CNDP2: variants seen among roughly 807,000 people sequenced by gnomAD.
The protein encoded by CNDP2 is cytosolic non-specific dipeptidase.
A neutral mutation model predicts 55.0 loss-of-function variants in CNDP2; 38 were observed. The ratio of observed to expected loss-of-function variants is 0.69; its 90% confidence interval spans 0.53 to 0.90. CNDP2 has a LOEUF of 0.90. CNDP2 is among the 40% of genes least tolerant of loss of function. The probability of loss-of-function intolerance (pLI) is 0.00; values close to 1 mark genes in which losing one functional copy is unlikely to be tolerated. For missense variants in CNDP2, 607 were observed against 621.7 expected, an observed-to-expected ratio of 0.98 and a Z score of 0.25; for synonymous variants, 241 against 260.2, an observed-to-expected ratio of 0.93 and a Z score of 0.71.
rs1049670459 is a variant in CNDP2, at chr18:74,512,319, C to A, written c.658-129C>A. 3.7e-5 allele frequency: 29 copies of A among 774,968 alleles called. No homozygotes were observed. The Admixed American group carries it at 5.8e-4, about 16-fold the overall frequency. 48.0% of individuals were successfully genotyped at this position (774,968 alleles called of 1,614,324 possible). On this transcript the variant is annotated intron_variant, in intron 6 of 11. Coordinates refer to ENST00000324262, the MANE Select transcript of CNDP2 (RefSeq NM_018235.3). ...ATTTGGGAAATGCCTTGCTTTGCTC[C>A]CTGAGGGAGCAAATTTTGATTTGGG...
intron 5 of CNDP2, 57 bp downstream of exon 5, chr18:74,508,985 AG>A: frequency 7.1e-7 from 1 of 1,414,600 alleles, no homozygotes; most frequent in Non-Finnish European, 1.0e-6. Context: ...AGCCATACAA[AG>A]ACAGGCTCTC....
rs764441227 is a variant in CNDP2 at position 74,520,230 on chromosome 18, G to A, written c.*162G>A. On this transcript the variant is annotated 3_prime_UTR_variant, in exon 12 of 12. Coordinates refer to ENST00000324262, the MANE Select transcript of CNDP2 (RefSeq NM_018235.3). ...CACAAGTGTATCCAGCTGTCCACGG[G>A]TGGAGCTACCCGTTGGGCTTATGAG... The A allele has an allele frequency of 1.5e-6, 1 of 658,000 alleles. No individual in the cohort carries two copies. Among genetic ancestry groups the A allele is most frequent in the South Asian group, 1.8e-5 (1 of 54,146 alleles). 40.8% of individuals were successfully genotyped at this position (658,000 alleles called of 1,614,324 possible). A position where few individuals can be genotyped will look rare whatever the true frequency, so the allele number is the denominator to read the frequency against.
At chr18:74,505,705 T>C in intron 3 of CNDP2, 144 bp from the exon 4 acceptor site, 1 of 827,872 alleles carries the variant, frequency 1.2e-6, no homozygotes, top group Non-Finnish European at 1.9e-6. Context: ...GTGACTCCAT[T>C]GAACAGTGTG....
chr18:74,505,348 T>C (rs1978948640), intron 3 of CNDP2: 1 of 153,394 alleles, frequency 6.5e-6, no homozygotes, highest in Non-Finnish European at 1.5e-5. Flanking sequence ...CTTGTAATTC[T>C]AGCACTTTGG....
In CNDP2 at chr18:74,520,593, C is replaced by T. The variant is rs1979994131; in HGVS notation, c.*525C>T. 6.3e-6 allele frequency: 1 copy of T among 158,524 alleles called. No individual in the cohort carries two copies. Among genetic ancestry groups the T allele is most frequent in the South Asian group, 1.9e-4 (1 of 5,282 alleles). 9.8% of individuals were successfully genotyped at this position (158,524 alleles called of 1,614,324 possible). ...ATCGCTTGAGACCAAGAGTTTGAGC[C>T]TGCGGTGAGCTGTGAATGCACCACG... On this transcript the variant is annotated 3_prime_UTR_variant, in exon 12 of 12. Transcript: ENST00000324262.
At position 74,520,182 on chromosome 18, in the gene CNDP2, C is replaced by A; in HGVS notation, c.*114C>A. 2 of 963,806 alleles carry A rather than the reference C, an allele frequency of 2.1e-6. No homozygotes were observed. Among genetic ancestry groups the A allele is most frequent in the South Asian group, 2.9e-5 (2 of 68,076 alleles). 59.7% of individuals were successfully genotyped at this position (963,806 alleles called of 1,614,324 possible). A position where few individuals can be genotyped will look rare whatever the true frequency, so the allele number is the denominator to read the frequency against. ...CTCTTTCCTTTCCCTCTTGTCAGGT[C>A]ATCCATGACTTTAGAGAACAGACAC... On this transcript the variant is annotated 3_prime_UTR_variant, in exon 12 of 12. Coordinates refer to ENST00000324262, the MANE Select transcript of CNDP2 (RefSeq NM_018235.3).
Position 74,520,107 on chromosome 18 carries a change from C to A in CNDP2, c.*39C>A, listed in dbSNP as rs759689145. The A allele has an allele frequency of 2.7e-5, 43 of 1,594,246 alleles. No individual in the cohort carries two copies. Among genetic ancestry groups the A allele is most frequent in the Non-Finnish European group, 3.7e-5 (43 of 1,162,348 alleles). On this transcript the variant is annotated 3_prime_UTR_variant, in exon 12 of 12. Transcript: ENST00000324262. ...TGTGCCATCTCCAATGAGAAGGAAT[C>A]CTGCCCTCACCTCACCCTTTTCCAA...
In CNDP2 at chr18:74,510,878, C is replaced by T. The variant is rs151125709; in HGVS notation, c.522C>T (p.Asp174=). 5.1e-4 allele frequency: 828 copies of T among 1,614,148 alleles called. 5 individuals are homozygous for T. The African/African-American group carries it at 7.7e-3, about 15-fold the overall frequency. Residue 174 remains aspartate, a synonymous_variant, in exon 6 of 12, where the codon GAC becomes GAT. Transcript: ENST00000324262. ...GMEESGSEGL[D]ELIFARKDTF... Reference sequence around the variant, plus strand: ...AGGAGTCAGGCTCTGAGGGCCTAGACGAGCTGATTTTTGCCCGGAAAGACA... The same window carrying T: ...AGGAGTCAGGCTCTGAGGGCCTAGATGAGCTGATTTTTGCCCGGAAAGACA...
At chr18:74,499,808 T>C (rs534305441) in intron 1 of CNDP2, 74 bp from the exon 2 acceptor site, 18 of 518,142 alleles carry the variant, frequency 3.5e-5, no homozygotes, top group South Asian at 3.4e-4. Flanking sequence ...GGAGCGTCTC[T>C]GGCTGGGTGT....
At chr18:74,502,570 C>CA (rs888205490) in intron 3 of CNDP2, among the ~76,000 whole-genome samples, 1 of 151,392 alleles carries the variant, frequency 6.6e-6, no homozygotes, top group Middle Eastern at 3.2e-3. Context: ...CCCAAATTGT[C>CA]ACGCCACCAT....
chr18:74,502,472 G>GTTTTTTTTTTTTTT (rs139713521), intron 3 of CNDP2, among the ~76,000 whole-genome samples: 2 of 148,608 alleles, frequency 1.3e-5, no homozygotes, highest in Admixed American at 6.7e-5. Context: ...TTGTCTTTTT[G>GTTTTTTTTTTTTTT]GTTTTTTTTT....
chr18:74,512,215 G>A, intron 6 of CNDP2: 1 of 486,658 alleles, frequency 2.1e-6, no homozygotes, highest in South Asian at 2.7e-5. Flanking sequence ...TTGTACCTGT[G>A]GCTAGTGTTA....
intron 6 of CNDP2, among the ~76,000 whole-genome samples, chr18:74,511,517 G>C (rs1979350706): frequency 6.6e-6 from 1 of 152,054 alleles, no homozygotes; most frequent in Non-Finnish European, 1.5e-5. Flanking sequence ...AACCAGCCTG[G>C]CCAACATGGT....
At chr18:74,519,741 A>T (rs1198106941) in intron 11 of CNDP2, among the ~76,000 whole-genome samples, 1 of 152,232 alleles carries the variant, frequency 6.6e-6, no homozygotes, top group Non-Finnish European at 1.5e-5. Flanking sequence ...GGAGGAGCCC[A>T]CGATCCGAGC....
intron 8 of CNDP2, among the ~76,000 whole-genome samples, chr18:74,514,464 A>G (rs371820224): frequency 1.2e-3 from 126 of 104,054 alleles, no homozygotes; most frequent in South Asian, 1.5e-3. Flanking sequence ...TCTGCAGGCT[A>G]TAGGTTTATG....
intron 7 of CNDP2, among the ~76,000 whole-genome samples, chr18:74,513,211 C>T (rs535415798): frequency 1.3e-5 from 2 of 152,340 alleles, no homozygotes; most frequent in South Asian, 2.1e-4. Flanking sequence ...TGGTTTGCGT[C>T]GTGGTCTATG....
At chr18:74,500,709 T>C (rs532236367) in intron 2 of CNDP2, among the ~76,000 whole-genome samples, 2 of 152,204 alleles carry the variant, frequency 1.3e-5, no homozygotes, top group Admixed American at 1.3e-4. Context: ...AGACACCGAG[T>C]TGTAGAAGGA....
At chr18:74,505,457 G>C (rs949933165) in intron 3 of CNDP2, among the ~76,000 whole-genome samples, 1 of 152,208 alleles carries the variant, frequency 6.6e-6, no homozygotes, top group Non-Finnish European at 1.5e-5. Flanking sequence ...AAATTAACCA[G>C]GCATGGTGGC....
intron 5 of CNDP2, chr18:74,509,231 G>T: frequency 2.7e-6 from 1 of 364,818 alleles, no homozygotes; most frequent in Non-Finnish European, 5.1e-6. Context: ...TGTGAGTGTG[G>T]TCCCTTGCCA....
Sources: gnomAD v4.1 joint callset for allele counts (sites outside exome capture counted in the v4.1 genomes callset) on GRCh38, gnomAD v4.1.1 for gene constraint, MANE v1.5 for transcripts, NCBI Gene and HGNC (gene_info 2026-07-23, HGNC 2026-07-21) for gene names.